The following ATP8A2 variants were observed in gnomAD, a reference collection of about 807,000 sequenced individuals.
ATP8A2 encodes phospholipid-transporting ATPase IB.
Under a neutral mutation model 165.6 loss-of-function variants are expected in ATP8A2, and 100 were observed. The ratio of observed to expected loss-of-function variants is 0.60; its 90% confidence interval spans 0.51 to 0.71. The LOEUF (loss-of-function observed/expected upper bound fraction) is 0.71. Among genes scored for constraint, ATP8A2 ranks in the 30% least tolerant of loss-of-function variants. ATP8A2 has a pLI of 0.00. For missense variants in ATP8A2, 1,227 were observed against 1,479.5 expected (o/e 0.83, Z 2.80); for synonymous variants, 543 against 548.8 (o/e 0.99, Z 0.15).
intron 25 of ATP8A2, among the ~76,000 whole-genome samples, chr13:25,753,354 T>C (rs1183213137): frequency 1.3e-5 from 2 of 152,234 alleles, no homozygotes; most frequent in Non-Finnish European, 2.9e-5. Flanking sequence ...CAGTGCTGAC[T>C]CATGTGAATG....
chr13:25,760,909 G>A (rs1247725553), intron 25 of ATP8A2, among the ~76,000 whole-genome samples: 1 of 152,128 alleles, frequency 6.6e-6, no homozygotes, highest in East Asian at 1.9e-4. Context: ...AATAATTTTT[G>A]TACTTATACA....
At chr13:25,935,050 CTA>C (rs758981815) in intron 33 of ATP8A2, among the ~76,000 whole-genome samples, 1 of 152,074 alleles carries the variant, frequency 6.6e-6, no homozygotes, top group African/African-American at 2.4e-5. Context: ...CTAAGCTAAG[CTA>C]TATATATATG....
At chr13:25,681,684 TA>T (rs1228604291) in intron 24 of ATP8A2, among the ~76,000 whole-genome samples, 1 of 152,232 alleles carries the variant, frequency 6.6e-6, no homozygotes, top group Non-Finnish European at 1.5e-5. Flanking sequence ...TCCTCCTTCT[TA>T]GATATGAGTA....
intron 24 of ATP8A2, among the ~76,000 whole-genome samples, chr13:25,685,891 G>C (rs1467999345): frequency 6.6e-6 from 1 of 152,208 alleles, no homozygotes; most frequent in Non-Finnish European, 1.5e-5. Flanking sequence ...AGGCTGCTCT[G>C]ATGGTCCAGG....
At chr13:25,403,595 T>C (rs1224123775) in intron 1 of ATP8A2, among the ~76,000 whole-genome samples, 1 of 152,210 alleles carries the variant, frequency 6.6e-6, no homozygotes, top group African/African-American at 2.4e-5. Flanking sequence ...CATCCAGACT[T>C]TTCATTCTAG....
intron 24 of ATP8A2, among the ~76,000 whole-genome samples, chr13:25,615,609 G>T (rs1304193712): frequency 6.6e-6 from 1 of 152,140 alleles, no homozygotes; most frequent in Non-Finnish European, 1.5e-5. Flanking sequence ...AAATTCAGCT[G>T]GAGGTCTTTT....
intron 33 of ATP8A2, among the ~76,000 whole-genome samples, chr13:25,910,413 C>T (rs1384652853): frequency 6.6e-6 from 1 of 152,150 alleles, no homozygotes; most frequent in East Asian, 1.9e-4. Flanking sequence ...AGAGAAGACT[C>T]ATTATCCCTC....
chr13:25,577,777 A>G (rs1277297794), intron 20 of ATP8A2, among the ~76,000 whole-genome samples: 1 of 152,176 alleles, frequency 6.6e-6, no homozygotes, highest in Non-Finnish European at 1.5e-5. Flanking sequence ...GAGGGAAAGA[A>G]TTATTAAACT....
intron 36 of ATP8A2, among the ~76,000 whole-genome samples, 163 bp from the exon 37 acceptor site, chr13:26,019,725 A>G (rs1413389483): frequency 6.6e-6 from 1 of 152,150 alleles, no homozygotes; most frequent in African/African-American, 2.4e-5. Flanking sequence ...CGGCCCCTCT[A>G]TGGCCACAGG....
At chr13:25,951,466 C>A (rs1043114893) in intron 33 of ATP8A2, among the ~76,000 whole-genome samples, 1 of 152,176 alleles carries the variant, frequency 6.6e-6, no homozygotes, top group Non-Finnish European at 1.5e-5. Flanking sequence ...GCAGGCAGGG[C>A]AGGAACTGCC....
At chr13:25,675,509 A>G (rs9507545) in intron 24 of ATP8A2, among the ~76,000 whole-genome samples, 51,632 of 152,110 alleles carry the variant, frequency 0.34, 9,053 homozygotes, top group South Asian at 0.49. Flanking sequence ...ATGTGTAAAT[A>G]ATAAGTTTTA....
chr13:25,812,997 C>A (rs970575770), intron 27 of ATP8A2, among the ~76,000 whole-genome samples: 9 of 151,952 alleles, frequency 5.9e-5, no homozygotes, highest in Admixed American at 2.0e-4. Flanking sequence ...CCAAACACCG[C>A]ATGGGGAGCT....
Position 25,487,683 on chromosome 13 carries a change from C to T in ATP8A2, c.221+18562C>T, listed in dbSNP as rs565870225. Among the ~76,000 whole-genome samples, 3 of 152,220 alleles carry T rather than the reference C, an allele frequency of 2.0e-5. No homozygotes were observed. The East Asian group carries it at 5.8e-4, about 29-fold the overall frequency. On this transcript the variant is annotated intron_variant, in intron 2 of 36. Transcript: ENST00000381655. ...AGAGATTAAAAGGTAAGGTGCATAT[C>T]GAATAGGATGAATGTGTTTCAGGAA...
chr13:25,862,548 C>G (rs1952390375), intron 33 of ATP8A2, 140 bp downstream of exon 33: 2 of 651,380 alleles, frequency 3.1e-6, no homozygotes, highest in Admixed American at 2.3e-5. Context: ...CCATCAGAAT[C>G]TATCAGGAGA....
intron 25 of ATP8A2, among the ~76,000 whole-genome samples, chr13:25,761,222 T>G (rs2044372397): frequency 6.6e-6 from 1 of 152,234 alleles, no homozygotes; most frequent in Admixed American, 6.5e-5. Flanking sequence ...GCTCTTACAT[T>G]ACTTGTTCAA....
chr13:25,565,484 G>A (rs1278459153), intron 16 of ATP8A2, among the ~76,000 whole-genome samples: 2 of 152,202 alleles, frequency 1.3e-5, no homozygotes, highest in African/African-American at 2.4e-5. Context: ...CATCAGTGAT[G>A]TTGAGCATTT....
chr13:25,463,126 GT>G (rs386378533), intron 1 of ATP8A2, among the ~76,000 whole-genome samples: 27,687 of 138,562 alleles, frequency 0.2, 3,077 homozygotes, highest in Middle Eastern at 0.25. Flanking sequence ...TTTCTGAAGT[GT>G]TTTTTTTTTT....
chr13:25,735,062 G>A (rs1056002301), intron 25 of ATP8A2, among the ~76,000 whole-genome samples: 1 of 152,180 alleles, frequency 6.6e-6, no homozygotes, highest in African/African-American at 2.4e-5. Flanking sequence ...CTGTAGCACA[G>A]TACCTAAAAT....
chr13:25,859,023 T>TA (rs2138748321), intron 30 of ATP8A2, among the ~76,000 whole-genome samples: 1 of 151,984 alleles, frequency 6.6e-6, no homozygotes, highest in African/African-American at 2.4e-5. Flanking sequence ...GTTAAGATGG[T>TA]AAAACCCTGT....
Sources: allele counts gnomAD v4.1 joint callset (sites outside exome capture counted in the v4.1 genomes callset), GRCh38; gene constraint gnomAD v4.1.1; transcripts MANE v1.5; gene names NCBI Gene and HGNC (gene_info 2026-07-23, HGNC 2026-07-21).